Variants in CSMD2 observed in about 807,000 individuals in gnomAD.
CSMD2 encodes the protein CUB and Sushi multiple domains 2.
CSMD2 carries 130 observed loss-of-function variants against 398.5 expected under a neutral mutation model. The observed-to-expected ratio is 0.33, with a 90% CI of 0.28 to 0.38. The LOEUF is 0.38. CSMD2 is among the 10% of genes least tolerant of loss of function. The probability of loss-of-function intolerance (pLI) is 1.00; values close to 1 mark genes in which losing one functional copy is unlikely to be tolerated. For missense variants in CSMD2, 3,829 were observed against 4,764.9 expected (o/e 0.80, Z 5.78); for synonymous variants, 1,828 against 1,908.5 (o/e 0.96, Z 1.10).
chr1:34,058,314 G>T (rs938281270), intron 2 of CSMD2, among the ~76,000 whole-genome samples: 3 of 152,152 alleles, frequency 2.0e-5, no homozygotes, highest in Non-Finnish European at 4.4e-5. Context: ...GATGATCTTT[G>T]TGATGATTCA....
chr1:33,722,072 C>T (rs972782729), intron 19 of CSMD2, among the ~76,000 whole-genome samples: 2 of 152,096 alleles, frequency 1.3e-5, no homozygotes, highest in Non-Finnish European at 2.9e-5. Context: ...TATTCTATGG[C>T]CATACCCTAT....
chr1:33,925,413 T>C (rs1644093240), intron 4 of CSMD2, among the ~76,000 whole-genome samples: 1 of 152,230 alleles, frequency 6.6e-6, no homozygotes, highest in Admixed American at 6.5e-5. Context: ...GTGTCTGTTT[T>C]TATACTAATA....
intron 27 of CSMD2, among the ~76,000 whole-genome samples, chr1:33,656,751 G>C (rs1643959657): frequency 6.6e-6 from 1 of 152,182 alleles, no homozygotes; most frequent in African/African-American, 2.4e-5. Flanking sequence ...CTGTGATTTG[G>C]GACAAGATAT....
chr1:33,802,360 A>G (rs1016097636), intron 10 of CSMD2, among the ~76,000 whole-genome samples: 3 of 152,212 alleles, frequency 2.0e-5, no homozygotes, highest in African/African-American at 7.2e-5. Context: ...TGCCTCTCCA[A>G]TAAGACTGTA....
intron 5 of CSMD2, among the ~76,000 whole-genome samples, chr1:33,898,594 C>T (rs1005624200): frequency 5.3e-5 from 8 of 152,230 alleles, no homozygotes; most frequent in African/African-American, 1.9e-4. Context: ...GAATCTTTTC[C>T]AGCCGGGGCT....
chr1:33,654,640 A>C (rs967020027), intron 27 of CSMD2, among the ~76,000 whole-genome samples: 34 of 152,242 alleles, frequency 2.2e-4, no homozygotes, highest in African/African-American at 8.0e-4. Flanking sequence ...TAACAAAGCA[A>C]GACTGTAATG....
At position 33,518,720 on chromosome 1, in the gene CSMD2, A is replaced by T. The variant is rs1024104014; in HGVS notation, c.*53+745T>A. Among the ~76,000 whole-genome samples the T allele has an allele frequency of 5.3e-5, 8 of 152,174 alleles. No individual in the cohort carries two copies. Among genetic ancestry groups the T allele is most frequent in the Non-Finnish European group, 1.0e-4 (7 of 68,030 alleles). On this transcript the variant is annotated intron_variant, in intron 70 of 70. Transcript: ENST00000373381. This position sits in a 1 kb window ranked among gnomAD's most constrained non-coding sequence, Gnocchi z 4.3. ...GTCTCTGACTGCTTTTGGACTCAAG[A>T]TGACAGCATCAACTCCTGCTGGAAT...
intron 3 of CSMD2, among the ~76,000 whole-genome samples, chr1:33,969,699 G>C (rs1254377000): frequency 6.6e-6 from 1 of 152,166 alleles, no homozygotes; most frequent in Non-Finnish European, 1.5e-5. Context: ...TGACTGCAAA[G>C]CCTGTGCTCT....
Position 33,725,424 on chromosome 1 carries a change from T to A in CSMD2, c.2620A>T (p.Thr874Ser), listed in dbSNP as rs574238976. 1 of 1,614,148 alleles carries A rather than the reference T, an allele frequency of 6.2e-7. No individual in the cohort carries two copies. Among genetic ancestry groups the A allele is most frequent in the Non-Finnish European group, 8.5e-7 (1 of 1,180,012 alleles). Residue 874 changes from threonine to serine, a missense_variant, in exon 17 of 71, where the codon ACC (threonine) becomes TCC (serine). This residue lies in a region of CSMD2 where 2,001 missense variants were observed against 2,567.1 expected (regional missense o/e 0.78). Coordinates refer to ENST00000373381, the MANE Select transcript of CSMD2 (RefSeq NM_001281956.2). The part of the protein sequence containing the change: ...GTQVPQFLIS[T>S]SNYLYLLFST... ...AAGAGGAGGTAGAGGTAGTTGCTGG[T>A]GCTGATGAGGAACTGGGGAACCTGG... is the stretch of plus-strand genomic sequence containing the variant.
At chr1:34,090,102 T>C (rs968807789) in intron 1 of CSMD2, among the ~76,000 whole-genome samples, 2 of 152,206 alleles carry the variant, frequency 1.3e-5, no homozygotes, top group Non-Finnish European at 2.9e-5. Context: ...TCAGTGCCTC[T>C]GACTGCTCTT....
intron 34 of CSMD2, 40 bp downstream of exon 34, chr1:33,625,011 C>T (rs765953095): frequency 2.5e-6 from 4 of 1,593,844 alleles, no homozygotes; most frequent in Non-Finnish European, 1.7e-6. Flanking sequence ...GACTACGTGC[C>T]GCCCCCCGCA....
intron 56 of CSMD2, among the ~76,000 whole-genome samples, chr1:33,547,928 G>A (rs1657063142): frequency 6.6e-6 from 1 of 152,230 alleles, no homozygotes; most frequent in African/African-American, 2.4e-5. Flanking sequence ...TAATCCCCAG[G>A]TTGGGGAAGA....
chr1:34,024,563 G>A (rs1287389010), intron 3 of CSMD2, among the ~76,000 whole-genome samples: 2 of 152,156 alleles, frequency 1.3e-5, no homozygotes, highest in East Asian at 1.9e-4. Flanking sequence ...CAAATGTCAC[G>A]TCTCTATGTA....
At chr1:33,785,401 C>T (rs1381841665) in intron 12 of CSMD2, among the ~76,000 whole-genome samples, 1 of 152,196 alleles carries the variant, frequency 6.6e-6, no homozygotes, top group Non-Finnish European at 1.5e-5. Context: ...AGGGGAAAAT[C>T]CATGGGCTTC....
At chr1:33,788,950 C>T (rs1195961464) in intron 11 of CSMD2, among the ~76,000 whole-genome samples, 1 of 152,184 alleles carries the variant, frequency 6.6e-6, no homozygotes, top group East Asian at 1.9e-4. Context: ...ACAACTTTGA[C>T]TCTCTAGCCC....
At chr1:33,668,847 G>A (rs1382105013) in intron 25 of CSMD2, among the ~76,000 whole-genome samples, 2 of 152,220 alleles carry the variant, frequency 1.3e-5, no homozygotes, top group African/African-American at 2.4e-5. Flanking sequence ...GCTCTGTGTT[G>A]AGAGCTGCAG....
chr1:34,070,998 C>A (rs964772096), intron 2 of CSMD2, among the ~76,000 whole-genome samples: 5 of 152,120 alleles, frequency 3.3e-5, no homozygotes, highest in African/African-American at 7.2e-5. Flanking sequence ...GCCCCTAGAT[C>A]CCTAGTTAAG....
Position 33,533,037 on chromosome 1 carries a change from C to T in CSMD2, c.10171+13G>A, listed in dbSNP as rs1570640394. On this transcript the variant is annotated intron_variant, in intron 64 of 70. Transcript: ENST00000373381. The surrounding 1 kb of genome is among the most constrained non-coding windows in gnomAD (Gnocchi z 4.2). ...TCCCGCCCTGGAGAGCTTCCCCGAG[C>T]AGGCACACTCACCCAGGCAGATGGG... is the stretch of plus-strand genomic sequence containing the variant. The T allele has an allele frequency of 6.3e-7, 1 of 1,592,478 alleles. No homozygotes were observed.
intron 6 of CSMD2, among the ~76,000 whole-genome samples, chr1:33,842,588 T>G (rs1163743801): frequency 6.6e-6 from 1 of 152,136 alleles, no homozygotes; most frequent in African/African-American, 2.4e-5. Context: ...GTAAATATAT[T>G]AGGCCTGTGG....
Sources: allele counts gnomAD v4.1 joint callset (sites outside exome capture counted in the v4.1 genomes callset), GRCh38; gene constraint gnomAD v4.1.1; regional missense constraint gnomAD v4.1.1; non-coding constraint Gnocchi (gnomAD v3.1); transcripts MANE v1.5; gene names NCBI Gene and HGNC (gene_info 2026-07-23, HGNC 2026-07-21).